The following SLC35F4 variants were observed in gnomAD, a reference collection of about 807,000 sequenced individuals.
The protein encoded by SLC35F4 is solute carrier family 35 member F4.
SLC35F4 carries 24 observed loss-of-function variants against 44.2 expected under a neutral mutation model. The ratio of observed to expected loss-of-function variants is 0.54; its 90% CI spans 0.39 to 0.76. The LOEUF (loss-of-function observed/expected upper bound fraction) is 0.76. Among genes scored for constraint, SLC35F4 ranks in the 30% least tolerant of loss-of-function variants. SLC35F4 has a pLI of 0.00. For missense variants in SLC35F4, 562 were observed against 586.1 expected (o/e 0.96, Z 0.42); for synonymous variants, 238 against 223.6 (o/e 1.06, Z -0.57).
intron 1 of SLC35F4, among the ~76,000 whole-genome samples, chr14:57,896,574 G>T (rs1019293673): frequency 6.6e-6 from 1 of 152,108 alleles, no homozygotes; most frequent in Non-Finnish European, 1.5e-5. Context: ...GCTCTTTATT[G>T]CATTGTGATC....
At chr14:57,623,862 C>A (rs928880179) in intron 1 of SLC35F4, among the ~76,000 whole-genome samples, 2 of 151,932 alleles carry the variant, frequency 1.3e-5, no homozygotes, top group Non-Finnish European at 2.9e-5. Flanking sequence ...AGATCTAAAT[C>A]GGACAGCCTA....
At chr14:57,664,425 T>G (rs187616338) in intron 1 of SLC35F4, among the ~76,000 whole-genome samples, 1 of 152,262 alleles carries the variant, frequency 6.6e-6, no homozygotes, top group Admixed American at 6.5e-5. Context: ...AATTTTATTT[T>G]TGAGACAGAG....
chr14:57,729,046 C>T (rs1269762987), intron 1 of SLC35F4, among the ~76,000 whole-genome samples: 2 of 152,078 alleles, frequency 1.3e-5, no homozygotes, highest in Non-Finnish European at 2.9e-5. Context: ...AACTCCATTG[C>T]ATGTTGTTTC....
At chr14:57,936,465 T>C (rs1401367569) in intron 1 of SLC35F4, among the ~76,000 whole-genome samples, 1 of 152,246 alleles carries the variant, frequency 6.6e-6, no homozygotes, top group Admixed American at 6.5e-5. Flanking sequence ...TCTTCTTCCA[T>C]TAAACTAGAC....
At chr14:57,595,233 A>C (rs976881517) in intron 1 of SLC35F4, among the ~76,000 whole-genome samples, 1 of 152,220 alleles carries the variant, frequency 6.6e-6, no homozygotes, top group Non-Finnish European at 1.5e-5. Flanking sequence ...TAGTCTCTCA[A>C]TTTGAGTTTG....
At chr14:57,628,420 G>A (rs1466045876) in intron 1 of SLC35F4, among the ~76,000 whole-genome samples, 2 of 139,508 alleles carry the variant, frequency 1.4e-5, no homozygotes, top group African/African-American at 2.7e-5. Context: ...TTTACATTAC[G>A]TATTTCTCTA....
At chr14:57,950,283 C>T (rs1301970960) in intron 1 of SLC35F4, among the ~76,000 whole-genome samples, 1 of 151,958 alleles carries the variant, frequency 6.6e-6, no homozygotes, top group African/African-American at 2.4e-5. Flanking sequence ...TGTCTTCAAG[C>T]TCTGAAGTTC....
intron 1 of SLC35F4, among the ~76,000 whole-genome samples, chr14:57,688,755 C>T (rs1348665158): frequency 1.3e-5 from 2 of 152,294 alleles, no homozygotes; most frequent in East Asian, 3.9e-4. Context: ...CCTACTGGCT[C>T]ATACTCATTT....
rs934779424 is a variant in SLC35F4 at position 57,567,600 on chromosome 14, A to G, written c.1127-1036T>C. ...TTATATTGTTCATACAATAGTGGCA[A>G]GCAAGGCAGAGGGTCTTCCTAAACT... On this transcript the variant is annotated intron_variant, in intron 6 of 7. Transcript: ENST00000556826. 2.0e-5 allele frequency among the ~76,000 whole-genome samples: 3 copies of G among 152,240 alleles called. No homozygotes were observed. In the South Asian group the frequency reaches 6.2e-4, roughly 31 times the overall value.
At chr14:57,657,711 G>A (rs149244354) in intron 1 of SLC35F4, among the ~76,000 whole-genome samples, 1 of 152,224 alleles carries the variant, frequency 6.6e-6, no homozygotes, top group East Asian at 1.9e-4. Context: ...ATCAGGCCCT[G>A]ACTATGGTTT....
At chr14:57,739,009 T>C (rs12879114) in intron 1 of SLC35F4, among the ~76,000 whole-genome samples, 18,557 of 107,954 alleles carry the variant, frequency 0.17, 1,346 homozygotes, top group South Asian at 0.3. Flanking sequence ...ACAAAGTTTC[T>C]TTTTTATCCA....
At chr14:57,707,890 G>C (rs923578693) in intron 1 of SLC35F4, among the ~76,000 whole-genome samples, 1 of 152,190 alleles carries the variant, frequency 6.6e-6, no homozygotes, top group Non-Finnish European at 1.5e-5. Context: ...ATTCCTTGGT[G>C]TAGGCCGAAC....
intron 1 of SLC35F4, among the ~76,000 whole-genome samples, chr14:57,950,716 T>C (rs1890121827): frequency 6.6e-6 from 1 of 150,426 alleles, no homozygotes. Context: ...GTTGCCCAGC[T>C]GGAGTGCAGT....
chr14:57,731,420 T>C (rs2140473560), intron 1 of SLC35F4, among the ~76,000 whole-genome samples: 1 of 152,348 alleles, frequency 6.6e-6, no homozygotes, highest in South Asian at 2.1e-4. Context: ...CTGAGAGGGT[T>C]CTTCATGGGA....
upstream of SLC35F4, among the ~76,000 whole-genome samples, chr14:57,868,053 C>T: frequency 6.6e-6 from 1 of 152,106 alleles, no homozygotes; most frequent in Non-Finnish European, 1.5e-5. Flanking sequence ...TTTCATAAAT[C>T]TCCATAGAAG....
intron 4 of SLC35F4, among the ~76,000 whole-genome samples, chr14:57,577,595 G>A (rs1190370287): frequency 1.3e-5 from 2 of 152,008 alleles, no homozygotes; most frequent in Admixed American, 6.6e-5. Flanking sequence ...CTTTTCATTG[G>A]TGTAAAACAG....
intron 1 of SLC35F4, among the ~76,000 whole-genome samples, chr14:57,758,651 T>G (rs1348281416): frequency 6.6e-6 from 1 of 152,152 alleles, no homozygotes; most frequent in African/African-American, 2.4e-5. Flanking sequence ...TCTTAATGGA[T>G]TTTTCTCTTT....
At chr14:57,711,448 T>C (rs542871315) in intron 1 of SLC35F4, among the ~76,000 whole-genome samples, 2 of 152,196 alleles carry the variant, frequency 1.3e-5, no homozygotes, top group Non-Finnish European at 2.9e-5. Flanking sequence ...AAAGTGGTTA[T>C]GACCGAGTTA....
At chr14:57,840,205 T>G (rs1273282298) in intron 1 of SLC35F4, among the ~76,000 whole-genome samples, 1 of 152,168 alleles carries the variant, frequency 6.6e-6, no homozygotes, top group Non-Finnish European at 1.5e-5. Context: ...TGATTCAAAA[T>G]AAATGCTTTT....
Sources: allele counts gnomAD v4.1 joint callset (sites outside exome capture counted in the v4.1 genomes callset), GRCh38; gene constraint gnomAD v4.1.1; transcripts MANE v1.5; gene names NCBI Gene and HGNC (gene_info 2026-07-23, HGNC 2026-07-21).